PXDNL: variants seen among roughly 807,000 people sequenced by gnomAD.
PXDNL encodes the protein peroxidasin like.
A neutral mutation model predicts 150.8 loss-of-function variants in PXDNL; 145 were observed. The observed-to-expected ratio is 0.96, with a 90% CI of 0.84 to 1.10. The LOEUF is 1.10. Ranked by LOEUF, PXDNL falls within the 50% of genes least tolerant of loss-of-function variation. The pLI is 0.00. For missense variants in PXDNL, 2,087 were observed against 1,873.9 expected (o/e 1.11, Z -2.10); for synonymous variants, 757 against 725.7 (o/e 1.04, Z -0.69).
intron 8 of PXDNL, among the ~76,000 whole-genome samples, chr8:51,469,205 G>A (rs757310445): frequency 3.2e-4 from 49 of 151,900 alleles, no homozygotes; most frequent in Non-Finnish European, 6.3e-4. Flanking sequence ...AAAGTTTACC[G>A]CAAATATAAC....
chr8:51,529,674 A>G (rs1454751846), intron 4 of PXDNL, among the ~76,000 whole-genome samples: 1 of 152,104 alleles, frequency 6.6e-6, no homozygotes, highest in Admixed American at 6.5e-5. Context: ...TTGATCTCCC[A>G]AGAAGACTTC....
At chr8:51,653,544 A>G (rs1202836636) in intron 2 of PXDNL, among the ~76,000 whole-genome samples, 2 of 152,218 alleles carry the variant, frequency 1.3e-5, no homozygotes, top group Non-Finnish European at 2.9e-5. Context: ...ATGTTTTCGT[A>G]CATTGCACTT....
At chr8:51,409,819 C>A (rs529171605) in intron 16 of PXDNL, among the ~76,000 whole-genome samples, 3 of 152,210 alleles carry the variant, frequency 2.0e-5, no homozygotes, top group East Asian at 3.9e-4. Context: ...CTAGAAGGAG[C>A]AAAATGGAAG....
At position 51,607,854 on chromosome 8, in the gene PXDNL, GAGGAAGGAAGGA is replaced by G. The variant is rs143544585; in HGVS notation, c.237-15168_237-15157del. On this transcript the variant is annotated intron_variant, in intron 2 of 22. Transcript: ENST00000356297. ...GACTCCATCTCAAAAAAAAGGAAGA[GAGGAAGGAAGGA>G]AGGAAGGAAGGAAGGAAGGAAGGAA... Among the ~76,000 whole-genome samples the G allele has an allele frequency of 3.3e-3, 239 of 72,598 alleles. 3 individuals carry two copies. The highest frequency in any genetic ancestry group is 8.8e-3 in the African/African-American group (130 of 14,822). 47.6% of individuals were successfully genotyped at this position (72,598 alleles called of 152,430 possible). A position where few individuals can be genotyped will look rare whatever the true frequency, so the allele number is the denominator to read the frequency against.
chr8:51,726,058 T>C (rs887828988), intron 1 of PXDNL, among the ~76,000 whole-genome samples: 1 of 152,242 alleles, frequency 6.6e-6, no homozygotes, highest in African/African-American at 2.4e-5. Context: ...TCATCTTGAA[T>C]CTCTTGAAAT....
rs372123452 is a variant in PXDNL at position 51,772,277 on chromosome 8, C to T, written c.164+36904G>A. 2.0e-4 allele frequency among the ~76,000 whole-genome samples: 31 copies of T among 151,620 alleles called. 1 individual carries two copies. Among genetic ancestry groups the T allele is most frequent in the African/African-American group, 7.0e-4 (29 of 41,232 alleles). On this transcript the variant is annotated intron_variant, in intron 1 of 22. Coordinates refer to ENST00000356297, the MANE Select transcript of PXDNL (RefSeq NM_144651.5). ...ACACACACACACATATACAGCTGCT[C>T]CGATGGGTCACACCTCCTTGCATGC...
At chr8:51,435,838 T>G in intron 12 of PXDNL, 1 of 448,184 alleles carries the variant, frequency 2.2e-6, no homozygotes, top group Non-Finnish European at 4.4e-6. Flanking sequence ...AGACATTTTA[T>G]GCAGGACTTG....
intron 22 of PXDNL, 40 bp downstream of exon 22, chr8:51,320,744 G>A (rs1411542392): frequency 1.4e-6 from 2 of 1,430,488 alleles, no homozygotes; most frequent in Non-Finnish European, 1.9e-6. Flanking sequence ...CTGGCTAGAA[G>A]TGAAATGGGG....
At chr8:51,392,089 T>C (rs893716296) in intron 17 of PXDNL, among the ~76,000 whole-genome samples, 7 of 152,216 alleles carry the variant, frequency 4.6e-5, no homozygotes. Context: ...TTCTGTTCCA[T>C]TGATCTATAT....
chr8:51,328,984 G>A (rs558141387), intron 21 of PXDNL, among the ~76,000 whole-genome samples: 1 of 152,154 alleles, frequency 6.6e-6, no homozygotes, highest in Admixed American at 6.5e-5. Flanking sequence ...CCTACTCCAG[G>A]CTTCCTGACT....
Position 51,409,363 on chromosome 8 carries a change from T to G in PXDNL, c.2261A>C (p.Gln754Pro). The stretch of plus-strand genomic sequence containing the variant: ...GCGGATGCCGTCCCGGTAGGCTGGC[T>G]GCAGCAGGCGCGCGAAGGCGGTCAG... Reference protein sequence around the residue: ...AALTAFARLLQPAYRDGIRAP... With the variant: ...AALTAFARLLPPAYRDGIRAP... Residue 754 changes from glutamine to proline, a missense_variant, in exon 17 of 23, where the codon CAG becomes CCG. Coordinates refer to ENST00000356297, the MANE Select transcript of PXDNL (RefSeq NM_144651.5). The G allele has an allele frequency of 1.9e-6, 3 of 1,560,780 alleles. No individual in the cohort carries two copies. In the South Asian group the frequency reaches 3.5e-5, roughly 18 times the overall value.
At chr8:51,484,268 C>A (rs6989021) in intron 5 of PXDNL, among the ~76,000 whole-genome samples, 1 of 152,000 alleles carries the variant, frequency 6.6e-6, no homozygotes, top group Non-Finnish European at 1.5e-5. Flanking sequence ...GAAACCCTGT[C>A]TACCAAATAT....
chr8:51,752,983 G>C (rs1208089318), intron 1 of PXDNL, among the ~76,000 whole-genome samples: 1 of 152,234 alleles, frequency 6.6e-6, no homozygotes, highest in Non-Finnish European at 1.5e-5. Context: ...GAATCCTGGG[G>C]AAAGGCTTCG....
intron 1 of PXDNL, among the ~76,000 whole-genome samples, chr8:51,690,222 A>G (rs1815961478): frequency 6.6e-6 from 1 of 152,162 alleles, no homozygotes; most frequent in Non-Finnish European, 1.5e-5. Flanking sequence ...CACAATGTGC[A>G]GGTTAGTTAC....
chr8:51,354,886 T>G (rs1479593162), intron 19 of PXDNL, among the ~76,000 whole-genome samples: 3 of 152,090 alleles, frequency 2.0e-5, no homozygotes, highest in Non-Finnish European at 4.4e-5. Flanking sequence ...ACATCATCAG[T>G]AGAGTTTGAT....
intron 19 of PXDNL, among the ~76,000 whole-genome samples, chr8:51,350,507 A>T (rs1806316968): frequency 6.6e-6 from 1 of 151,724 alleles, no homozygotes; most frequent in South Asian, 2.1e-4. Flanking sequence ...TTACAGGCCC[A>T]CACTACCCGG....
At chr8:51,359,372 G>GAAGT (rs1322513834) in intron 19 of PXDNL, among the ~76,000 whole-genome samples, 1 of 152,190 alleles carries the variant, frequency 6.6e-6, no homozygotes, top group South Asian at 2.1e-4. Flanking sequence ...TTGGAACTAA[G>GAAGT]AAGTTAAATA....
At chr8:51,429,866 T>C (rs1056061603) in intron 12 of PXDNL, among the ~76,000 whole-genome samples, 2 of 152,136 alleles carry the variant, frequency 1.3e-5, no homozygotes, top group Admixed American at 6.5e-5. Flanking sequence ...AGTTCCTCTG[T>C]TGGAATCTTA....
chr8:51,625,556 G>A (rs1324073930), intron 2 of PXDNL, among the ~76,000 whole-genome samples: 1 of 152,118 alleles, frequency 6.6e-6, no homozygotes, highest in Non-Finnish European at 1.5e-5. Flanking sequence ...AATCTGTTCA[G>A]ACTGTGAAAA....
Sources: allele counts gnomAD v4.1 joint callset (sites outside exome capture counted in the v4.1 genomes callset), GRCh38; gene constraint gnomAD v4.1.1; transcripts MANE v1.5; gene names NCBI Gene and HGNC (gene_info 2026-07-23, HGNC 2026-07-21).